The following ARHGAP26 variants were observed in gnomAD, a reference collection of about 807,000 sequenced individuals.
ARHGAP26 encodes the protein rho GTPase-activating protein 26.
In ARHGAP26, 38 loss-of-function variants were observed where a neutral mutation model predicts 104.8. That is an observed-to-expected ratio of 0.36 (90% CI 0.28 to 0.48). The LOEUF (loss-of-function observed/expected upper bound fraction) is 0.48. Ranked by LOEUF, ARHGAP26 falls within the 20% of genes least tolerant of loss-of-function variation. The probability of loss-of-function intolerance (pLI) is 0.99; values close to 1 mark genes in which losing one functional copy is unlikely to be tolerated. For synonymous variants in ARHGAP26, 341 were observed against 340.0 expected (o/e 1.00, Z -0.03); for missense variants, 704 against 947.9 (o/e 0.74, Z 3.38).
At chr5:143,164,253 C>T (rs1801648488) in intron 20 of ARHGAP26, among the ~76,000 whole-genome samples, 1 of 152,020 alleles carries the variant, frequency 6.6e-6, no homozygotes, top group African/African-American at 2.4e-5. Flanking sequence ...TCAATGTAAC[C>T]AGGAAAAAAT....
chr5:143,183,210 G>C (rs1480773416), intron 20 of ARHGAP26, among the ~76,000 whole-genome samples: 1 of 151,888 alleles, frequency 6.6e-6, no homozygotes, highest in African/African-American at 2.4e-5. Flanking sequence ...AATATTTACA[G>C]AGCTGAGGGG....
Position 143,162,995 on chromosome 5 carries a change from T to TG in ARHGAP26, c.1988+15616dup, listed in dbSNP as rs139167165. Among the ~76,000 whole-genome samples, 267 of 151,914 alleles carry TG rather than the reference T, an allele frequency of 1.8e-3. 7 individuals carry two copies. In the East Asian group the frequency reaches 0.045, roughly 26 times the overall value. On this transcript the variant is annotated intron_variant, in intron 20 of 22. Transcript: ENST00000645722. ...AGCTGAGTGTGGTGGTATGCGCCTG[T>TG]GGTCCCATCTACTTGGGAGGCTGAG...
intron 14 of ARHGAP26, among the ~76,000 whole-genome samples, chr5:143,050,297 A>G (rs1369345978): frequency 1.3e-5 from 2 of 151,406 alleles, no homozygotes; most frequent in African/African-American, 2.4e-5. Flanking sequence ...AGGACTGCAA[A>G]TTCAGCATCA....
At position 143,227,434 on chromosome 5, in the gene ARHGAP26, C is replaced by A; in HGVS notation, c.*4988C>A. On this transcript the variant is annotated 3_prime_UTR_variant, in exon 23 of 23. Coordinates refer to ENST00000645722, the MANE Select transcript of ARHGAP26 (RefSeq NM_001135608.3). ...TCACCCACCCTGTGCTGGTGTCTAA[C>A]AAATTTATCTTGTCATGCTCAAATG... 1 of 231,274 alleles carries A rather than the reference C, an allele frequency of 4.3e-6. No homozygotes were observed. Among genetic ancestry groups the A allele is most frequent in the Non-Finnish European group, 8.6e-6 (1 of 116,816 alleles). 14.3% of individuals were successfully genotyped at this position (231,274 alleles called of 1,614,324 possible).
At chr5:143,033,857 A>T (rs1225242041) in intron 12 of ARHGAP26, among the ~76,000 whole-genome samples, 1 of 152,224 alleles carries the variant, frequency 6.6e-6, no homozygotes, top group Non-Finnish European at 1.5e-5. Context: ...AAAAGGCTTC[A>T]CCTGACTATT....
At chr5:142,888,996 T>C (rs1410600650) in intron 5 of ARHGAP26, among the ~76,000 whole-genome samples, 1 of 152,206 alleles carries the variant, frequency 6.6e-6, no homozygotes, top group Non-Finnish European at 1.5e-5. Flanking sequence ...TCCTGGCTTA[T>C]AATTCCATTG....
At chr5:142,973,215 A>G (rs757652364) in intron 11 of ARHGAP26, among the ~76,000 whole-genome samples, 1 of 152,174 alleles carries the variant, frequency 6.6e-6, no homozygotes, top group Non-Finnish European at 1.5e-5. Context: ...GATAGAAGAG[A>G]TCGTTAAAAA....
At chr5:142,932,616 A>T (rs1488813695) in intron 11 of ARHGAP26, among the ~76,000 whole-genome samples, 1 of 152,262 alleles carries the variant, frequency 6.6e-6, no homozygotes, top group East Asian at 1.9e-4. Flanking sequence ...CAAGGATCTC[A>T]ACTCCAGTGT....
rs1037726901 is a variant in ARHGAP26, at chr5:142,839,880, C to T, written c.155-33520C>T. On this transcript the variant is annotated intron_variant, in intron 1 of 22. Transcript: ENST00000645722. ...TGTGCTGTCCAGTTTTGTGTTGCGA[C>T]AGAGAGAGAGAGAGGAGGGGAGGGG... Among the ~76,000 whole-genome samples, 4 of 114,840 alleles carry T rather than the reference C, an allele frequency of 3.5e-5. No individual in the cohort carries two copies. In the Admixed American group the frequency reaches 4.0e-4, roughly 11 times the overall value. The allele number at this position is 114,840 out of a possible 152,430, so 75.3% of individuals were successfully genotyped here.
intron 6 of ARHGAP26, among the ~76,000 whole-genome samples, chr5:142,897,489 G>T (rs964875947): frequency 3.9e-5 from 6 of 152,202 alleles, no homozygotes; most frequent in African/African-American, 1.4e-4. Context: ...CTACTGATGA[G>T]ATCAGTGATT....
chr5:143,189,700 A>G (rs892279085), intron 20 of ARHGAP26, among the ~76,000 whole-genome samples: 18 of 152,340 alleles, frequency 1.2e-4, no homozygotes, highest in African/African-American at 4.3e-4. Context: ...ATTAGAAAAC[A>G]TAAAAAATAT....
intron 20 of ARHGAP26, among the ~76,000 whole-genome samples, chr5:143,148,930 G>C (rs1236420610): frequency 6.6e-6 from 1 of 152,146 alleles, no homozygotes; most frequent in Non-Finnish European, 1.5e-5. Context: ...ACCAACTAGT[G>C]GTCTGTAATT....
intron 10 of ARHGAP26, among the ~76,000 whole-genome samples, chr5:142,914,229 CA>C (rs1267689587): frequency 6.6e-6 from 1 of 152,244 alleles, no homozygotes. Context: ...GTCTACTCTG[CA>C]CTGCAGGCTG....
chr5:142,797,117 C>T (rs1040076599), intron 1 of ARHGAP26, among the ~76,000 whole-genome samples: 2 of 152,208 alleles, frequency 1.3e-5, no homozygotes, highest in Admixed American at 1.3e-4. Context: ...TTTTGAGTAG[C>T]ATAGTGACAT....
At chr5:142,811,791 G>A (rs971995165) in intron 1 of ARHGAP26, among the ~76,000 whole-genome samples, 1 of 152,158 alleles carries the variant, frequency 6.6e-6, no homozygotes, top group Admixed American at 6.5e-5. Flanking sequence ...TGATACTCTT[G>A]TGCGCAGCCT....
chr5:143,113,221 G>A (rs560731072), intron 17 of ARHGAP26, among the ~76,000 whole-genome samples: 5 of 152,278 alleles, frequency 3.3e-5, no homozygotes, highest in African/African-American at 1.2e-4. Flanking sequence ...CTTTTTTTAA[G>A]ACAAATCCTT....
chr5:142,868,873 G>A (rs1754789255), intron 1 of ARHGAP26: 1 of 152,580 alleles, frequency 6.6e-6, no homozygotes, highest in African/African-American at 2.4e-5. Context: ...AGACTCTCAG[G>A]TATTCCACCT....
At chr5:142,893,228 G>A (rs1758954198) in intron 5 of ARHGAP26, among the ~76,000 whole-genome samples, 1 of 151,818 alleles carries the variant, frequency 6.6e-6, no homozygotes, top group Admixed American at 6.6e-5. Context: ...CGCCCACCTC[G>A]GCCTCCCAAA....
At chr5:143,037,381 G>C in intron 13 of ARHGAP26, 120 bp downstream of exon 13, 1 of 712,938 alleles carries the variant, frequency 1.4e-6, no homozygotes, top group African/African-American at 1.8e-5. Flanking sequence ...AAGTGCCATT[G>C]TCAGTGGATT....
Sources: allele counts gnomAD v4.1 joint callset (sites outside exome capture counted in the v4.1 genomes callset), GRCh38; gene constraint gnomAD v4.1.1; transcripts MANE v1.5; gene names NCBI Gene and HGNC (gene_info 2026-07-23, HGNC 2026-07-21).